Variants in RAVER2 observed in about 807,000 individuals in gnomAD.
RAVER2 encodes ribonucleoprotein, PTB binding 2, also known as ribonucleoprotein PTB-binding 2.
Under a neutral mutation model 78.1 loss-of-function variants are expected in RAVER2, and 46 were observed. The observed-to-expected ratio is 0.59, with a 90% CI of 0.46 to 0.75. The LOEUF (loss-of-function observed/expected upper bound fraction) is 0.75, where lower values mean the gene tolerates loss of function less well. Among genes scored for constraint, RAVER2 ranks in the 30% least tolerant of loss-of-function variants. The pLI is 0.00. For missense variants in RAVER2, 793 were observed against 837.5 expected, an observed-to-expected ratio of 0.95 and a Z score of 0.66; for synonymous variants, 311 against 313.3, an observed-to-expected ratio of 0.99 and a Z score of 0.08.
chr1:64,777,833 G>A (rs2100834144), exon 3 of RAVER2: 1 of 1,614,088 alleles, frequency 6.2e-7, no homozygotes, highest in South Asian at 1.1e-5. Context: ...CTGGTCTATA[G>A]TGAAGTTACT....
intron 5 of RAVER2, among the ~76,000 whole-genome samples, chr1:64,791,060 A>C (rs2100854236): frequency 6.6e-6 from 1 of 152,326 alleles, no homozygotes; most frequent in Admixed American, 6.5e-5. Context: ...CACAGAACTT[A>C]GGAAAGCACT....
chr1:64,778,257 G>A (rs780887477), intron 3 of RAVER2, among the ~76,000 whole-genome samples, 165 bp downstream of exon 3: 6 of 152,158 alleles, frequency 3.9e-5, no homozygotes, highest in Non-Finnish European at 8.8e-5. Flanking sequence ...TTTTAAATCA[G>A]TTCCTCTGTT....
intron 3 of RAVER2, among the ~76,000 whole-genome samples, chr1:64,778,850 C>T (rs1374452391): frequency 6.0e-5 from 9 of 149,198 alleles, no homozygotes; most frequent in African/African-American, 2.0e-4. Flanking sequence ...TTCCTCTTAC[C>T]TCTGTTGTTT....
chr1:64,821,871 G>A (rs989194184), intron 11 of RAVER2, among the ~76,000 whole-genome samples: 11 of 152,144 alleles, frequency 7.2e-5, no homozygotes, highest in South Asian at 2.1e-4. Context: ...AAGATTTTAC[G>A]ACAAAGTATG....
intron 8 of RAVER2, among the ~76,000 whole-genome samples, chr1:64,805,708 G>C (rs1653398984): frequency 6.6e-6 from 1 of 152,072 alleles, no homozygotes. Context: ...TTAGAAGTGA[G>C]CATGCTGAGT....
rs58298918 is a variant in RAVER2, at chr1:64,763,917, T to TACACACACACACACAC, written c.250-4716_250-4701dup. ...AAACTCCATCTCAAAAAAACAAAAATACACACACACACACACACACACACA... is the reference window on the plus strand; with the variant it reads ...AAACTCCATCTCAAAAAAACAAAAATACACACACACACACACACACACACACACACACACACACACA... On this transcript the variant is annotated intron_variant, in intron 1 of 11. Coordinates refer to ENST00000294428, the Ensembl canonical transcript of RAVER2. Among the ~76,000 whole-genome samples, 465 of 133,794 alleles carry TACACACACACACACAC rather than the reference T, an allele frequency of 3.5e-3. 1 individual carries two copies. The highest frequency in any genetic ancestry group is 0.018 in the East Asian group (78 of 4,370). 87.8% of individuals were successfully genotyped at this position (133,794 alleles called of 152,430 possible).
At chr1:64,797,924 CT>C (rs577748435) in intron 5 of RAVER2, among the ~76,000 whole-genome samples, 1,617 of 135,562 alleles carry the variant, frequency 0.012, 13 homozygotes, top group African/African-American at 0.024. Context: ...TTTTTTTTTT[CT>C]TTTTTTTTTT....
intron 1 of RAVER2, 24 bp from the exon 2 acceptor site, chr1:64,768,632 A>G (rs1386581917): frequency 7.0e-7 from 1 of 1,434,876 alleles, no homozygotes; most frequent in Non-Finnish European, 9.8e-7. Flanking sequence ...ATGTTTACTG[A>G]ATTCGTGTTT....
chr1:64,828,971 G>T (rs1190157075), intron 11 of RAVER2, among the ~76,000 whole-genome samples: 1 of 152,118 alleles, frequency 6.6e-6, no homozygotes, highest in Non-Finnish European at 1.5e-5. Flanking sequence ...ATGTTTGCAG[G>T]CTTTGTCTTT....
intron 1 of RAVER2, among the ~76,000 whole-genome samples, chr1:64,757,193 A>G (rs1391333938): frequency 6.6e-6 from 1 of 152,224 alleles, no homozygotes; most frequent in African/African-American, 2.4e-5. Context: ...TCAACACAAC[A>G]GGACATTGCA....
At chr1:64,830,780 C>A in intron 11 of RAVER2, 59 bp from the exon 12 acceptor site, 3 of 1,423,906 alleles carry the variant, frequency 2.1e-6, no homozygotes, top group South Asian at 2.7e-5. Flanking sequence ...TTATAAATAT[C>A]TTTAATGAAT....
intron 5 of RAVER2, among the ~76,000 whole-genome samples, chr1:64,792,891 C>T (rs1308037490): frequency 2.0e-5 from 3 of 152,172 alleles, no homozygotes; most frequent in African/African-American, 7.2e-5. Context: ...TCTGAGCCAA[C>T]TAAATTAATG....
intron 8 of RAVER2, among the ~76,000 whole-genome samples, chr1:64,805,584 G>A (rs1435608984): frequency 6.6e-6 from 1 of 152,000 alleles, no homozygotes; most frequent in African/African-American, 2.4e-5. Flanking sequence ...TAAAAACATG[G>A]CAAACAAAAT....
intron 9 of RAVER2, among the ~76,000 whole-genome samples, chr1:64,807,935 C>A (rs1653489857): frequency 6.6e-6 from 1 of 152,134 alleles, no homozygotes; most frequent in African/African-American, 2.4e-5. Flanking sequence ...AGTATCAATG[C>A]TTATTCGCTT....
At chr1:64,753,801 C>T (rs1041718084) in intron 1 of RAVER2, among the ~76,000 whole-genome samples, 5 of 152,134 alleles carry the variant, frequency 3.3e-5, no homozygotes, top group African/African-American at 9.7e-5. Context: ...GGATTACAGG[C>T]GTGAGCCACC....
chr1:64,786,691 G>T (rs1034906164), intron 4 of RAVER2, among the ~76,000 whole-genome samples: 20 of 152,100 alleles, frequency 1.3e-4, no homozygotes, highest in Admixed American at 3.3e-4. Flanking sequence ...TACTTGGGAG[G>T]CTGAGACAGG....
chr1:64,771,579 A>T (rs1044628248), intron 2 of RAVER2, among the ~76,000 whole-genome samples: 4 of 152,086 alleles, frequency 2.6e-5, no homozygotes, highest in African/African-American at 9.7e-5. Flanking sequence ...AAAAATAATG[A>T]CATTACATTG....
intron 9 of RAVER2, among the ~76,000 whole-genome samples, chr1:64,811,388 G>A (rs557223744): frequency 6.6e-6 from 1 of 152,144 alleles, no homozygotes; most frequent in Non-Finnish European, 1.5e-5. Flanking sequence ...ATCATGTTTA[G>A]TGCAATACCA....
At chr1:64,778,136 CAT>C (rs1267582539) in intron 3 of RAVER2, 44 bp downstream of exon 3, 9 of 1,350,962 alleles carry the variant, frequency 6.7e-6, no homozygotes, top group Non-Finnish European at 9.1e-6. Context: ...AAAATATATA[CAT>C]ATGTATCTAA....
Sources: gnomAD v4.1 joint callset for allele counts (sites outside exome capture counted in the v4.1 genomes callset) on GRCh38, gnomAD v4.1.1 for gene constraint, MANE v1.5 for transcripts, NCBI Gene and HGNC (gene_info 2026-07-23, HGNC 2026-07-21) for gene names.